Variants in PABPC4L observed in about 807,000 individuals in gnomAD.
PABPC4L encodes polyadenylate-binding protein 4-like.
For missense variants in PABPC4L, 452 were observed against 451.4 expected (o/e 1.00, Z -0.01); for synonymous variants, 169 against 164.1 (o/e 1.03, Z -0.23).
At chr4:134,105,476 C>T in the PABPC4L span, among the ~76,000 whole-genome samples, 8 of 151,430 alleles carry the variant, frequency 5.3e-5, no homozygotes, top group African/African-American at 1.7e-4. Flanking sequence ...TTCTAAGAGG[C>T]CAATAAAACT....
chr4:134,133,014 G>A, the PABPC4L span, among the ~76,000 whole-genome samples: 1 of 100,066 alleles, frequency 1.0e-5, no homozygotes, highest in African/African-American at 5.1e-5. Context: ...CTATATGATA[G>A]TATATACTAT....
chr4:134,133,067 T>C, the PABPC4L span, among the ~76,000 whole-genome samples: 2 of 137,352 alleles, frequency 1.5e-5, no homozygotes, highest in Non-Finnish European at 3.0e-5. Flanking sequence ...TTTGTATATA[T>C]AATTTATCAC....
chr4:133,964,374 C>A, the PABPC4L span, among the ~76,000 whole-genome samples: 2 of 151,526 alleles, frequency 1.3e-5, no homozygotes, highest in Non-Finnish European at 2.9e-5. Context: ...GGATTAATAG[C>A]AGAATTCTAC....
the PABPC4L span, among the ~76,000 whole-genome samples, chr4:134,068,462 C>T: frequency 6.6e-6 from 1 of 152,176 alleles, no homozygotes; most frequent in African/African-American, 2.4e-5. Flanking sequence ...TTGGATGTTG[C>T]TTCTTTATTC....
the PABPC4L span, among the ~76,000 whole-genome samples, chr4:134,000,342 T>C: frequency 1.5e-4 from 23 of 152,140 alleles, no homozygotes; most frequent in East Asian, 4.3e-3. Context: ...AAGACTTAAA[T>C]GAAAAGTTAA....
chr4:134,107,124 T>A, the PABPC4L span, among the ~76,000 whole-genome samples: 1 of 150,664 alleles, frequency 6.6e-6, no homozygotes, highest in African/African-American at 2.4e-5. Flanking sequence ...GTCTTCTAAA[T>A]TTTTTTTTCC....
At chr4:134,106,299 A>T in the PABPC4L span, among the ~76,000 whole-genome samples, 1 of 151,684 alleles carries the variant, frequency 6.6e-6, no homozygotes, top group African/African-American at 2.4e-5. Context: ...GTTACACAAA[A>T]TTCATAAATA....
chr4:134,079,161 G>A, the PABPC4L span, among the ~76,000 whole-genome samples: 6 of 150,944 alleles, frequency 4.0e-5, no homozygotes, highest in South Asian at 2.1e-4. Context: ...TAGTAGAGAC[G>A]GTGTTTCACC....
At chr4:134,002,439 A>G in the PABPC4L span, among the ~76,000 whole-genome samples, 1 of 152,004 alleles carries the variant, frequency 6.6e-6, no homozygotes, top group Non-Finnish European at 1.5e-5. Flanking sequence ...AATGAATGCT[A>G]ATACAAGATT....
chr4:134,100,210 A>G, the PABPC4L span, among the ~76,000 whole-genome samples: 14 of 151,794 alleles, frequency 9.2e-5, no homozygotes, highest in South Asian at 6.2e-4. Context: ...TTGATTTAAG[A>G]GCATCGAACA....
chr4:134,051,528 C>T, the PABPC4L span, among the ~76,000 whole-genome samples: 27 of 152,188 alleles, frequency 1.8e-4, no homozygotes, highest in African/African-American at 6.0e-4. Context: ...TTTTAAAGAA[C>T]GGATGTAGTC....
the PABPC4L span, among the ~76,000 whole-genome samples, chr4:134,109,445 T>C: frequency 3.3e-5 from 5 of 150,782 alleles, no homozygotes; most frequent in Non-Finnish European, 5.9e-5. Flanking sequence ...GACAGATGAA[T>C]CCAGGTGATA....
At chr4:134,033,255 C>A in the PABPC4L span, among the ~76,000 whole-genome samples, 1 of 151,808 alleles carries the variant, frequency 6.6e-6, no homozygotes, top group Admixed American at 6.6e-5. Flanking sequence ...AGACTGTAAA[C>A]TTAATTGATA....
chr4:134,044,054 T>C, the PABPC4L span, among the ~76,000 whole-genome samples: 1 of 150,924 alleles, frequency 6.6e-6, no homozygotes, highest in African/African-American at 2.4e-5. Context: ...GTGACTCTGG[T>C]GATCCCTCCA....
chr4:134,141,640 C>T, the PABPC4L span, among the ~76,000 whole-genome samples: 1 of 151,436 alleles, frequency 6.6e-6, no homozygotes, highest in Non-Finnish European at 1.5e-5. Context: ...AGCTATTAAG[C>T]CTTATTCATT....
At chr4:134,061,461 G>T in the PABPC4L span, among the ~76,000 whole-genome samples, 3 of 151,894 alleles carry the variant, frequency 2.0e-5, no homozygotes, top group African/African-American at 4.8e-5. Flanking sequence ...CTAAAAGCTT[G>T]CAGAAGAGAA....
the PABPC4L span, among the ~76,000 whole-genome samples, chr4:133,979,638 G>C: frequency 6.6e-6 from 1 of 151,752 alleles, no homozygotes; most frequent in Non-Finnish European, 1.5e-5. Flanking sequence ...CATACAACAG[G>C]TCCTCTCACA....
the PABPC4L span, among the ~76,000 whole-genome samples, chr4:134,186,560 TA>T: frequency 6.6e-6 from 1 of 152,114 alleles, no homozygotes; most frequent in Non-Finnish European, 1.5e-5. Flanking sequence ...ATTAAAGACT[TA>T]AATGTTAGAC....
the PABPC4L span, among the ~76,000 whole-genome samples, chr4:134,123,782 T>C: frequency 6.6e-6 from 1 of 151,672 alleles, no homozygotes; most frequent in African/African-American, 2.4e-5. Context: ...AGAAGAAATA[T>C]CAGATGTGAG....
Sources: allele counts gnomAD v4.1 joint callset (sites outside exome capture counted in the v4.1 genomes callset), GRCh38; gene constraint gnomAD v4.1.1; transcripts MANE v1.5; gene names NCBI Gene and HGNC (gene_info 2026-07-23, HGNC 2026-07-21).